Variants in LYPLAL1 observed in about 807,000 individuals in gnomAD.
The protein encoded by LYPLAL1 is lysophospholipase like 1.
LYPLAL1 carries 23 observed loss-of-function variants against 19.7 expected under a neutral mutation model. The ratio of observed to expected loss-of-function variants is 1.17; its 90% CI spans 0.84 to 1.65. The LOEUF (loss-of-function observed/expected upper bound fraction) is 1.65, where lower values mean the gene tolerates loss of function less well. Among genes scored for constraint, LYPLAL1 ranks in the 40% most tolerant of loss-of-function variants. The pLI is 0.00. For missense variants in LYPLAL1, 355 were observed against 279.4 expected (o/e 1.27, Z -1.93); for synonymous variants, 119 against 96.3 (o/e 1.24, Z -1.38).
At chr1:219,247,573 C>T in the LYPLAL1 span, among the ~76,000 whole-genome samples, 3 of 152,176 alleles carry the variant, frequency 2.0e-5, no homozygotes, top group African/African-American at 7.2e-5. Context: ...CTGAGTAGGA[C>T]TATTAACCAG....
the LYPLAL1 span, among the ~76,000 whole-genome samples, chr1:219,419,937 A>G: frequency 2.0e-5 from 3 of 152,222 alleles, 1 homozygote; most frequent in African/African-American, 2.4e-5. Context: ...AATCCTCATG[A>G]GCACTACCTG....
chr1:219,189,739 C>G (rs1656997129), intron 2 of LYPLAL1, among the ~76,000 whole-genome samples: 1 of 151,566 alleles, frequency 6.6e-6, no homozygotes, highest in Non-Finnish European at 1.5e-5. Context: ...AAAAATCTGC[C>G]CTCCTCATAG....
At chr1:219,230,814 T>C in the LYPLAL1 span, among the ~76,000 whole-genome samples, 1 of 152,194 alleles carries the variant, frequency 6.6e-6, no homozygotes, top group Admixed American at 6.5e-5. Context: ...TTTAGAGTGC[T>C]GATTGGAAGT....
chr1:219,335,778 C>T, the LYPLAL1 span, among the ~76,000 whole-genome samples: 1 of 151,826 alleles, frequency 6.6e-6, no homozygotes, highest in Non-Finnish European at 1.5e-5. Flanking sequence ...ACTGGATACA[C>T]AGTTGCCAAT....
chr1:219,211,380 AT>A (rs1659025424), intron 4 of LYPLAL1, 111 bp from the exon 5 acceptor site: 1 of 747,682 alleles, frequency 1.3e-6, no homozygotes, highest in African/African-American at 1.8e-5. Context: ...TTTTTTTCCC[AT>A]TAGTTATTGA....
chr1:219,287,272 T>G, the LYPLAL1 span, among the ~76,000 whole-genome samples: 1 of 152,184 alleles, frequency 6.6e-6, no homozygotes, highest in Non-Finnish European at 1.5e-5. Context: ...AGCAATGTAT[T>G]TAACAGAGAG....
the LYPLAL1 span, among the ~76,000 whole-genome samples, chr1:219,417,579 TA>T: frequency 6.6e-6 from 1 of 152,232 alleles, no homozygotes. Flanking sequence ...AAATAGTATA[TA>T]TTTTTTTCTA....
chr1:219,257,810 A>G, the LYPLAL1 span, among the ~76,000 whole-genome samples: 3 of 152,028 alleles, frequency 2.0e-5, no homozygotes, highest in Non-Finnish European at 4.4e-5. Flanking sequence ...TCTGATCTCA[A>G]TTTCACCAGG....
rs538404113 is a variant in LYPLAL1, at chr1:219,197,662, A to G, written c.361+4411A>G. ...TAAACTAAAGCACTTCTGCACAGCA[A>G]AAGAAGCTGTCATCAGAGTGAACAG... On this transcript the variant is annotated intron_variant, in intron 3 of 4. Transcript: ENST00000366928. Among the ~76,000 whole-genome samples, 4 of 152,322 alleles carry G rather than the reference A, an allele frequency of 2.6e-5. No individual in the cohort carries two copies. The East Asian group carries it at 7.7e-4, about 29-fold the overall frequency.
the LYPLAL1 span, among the ~76,000 whole-genome samples, chr1:219,247,710 A>AG: frequency 6.6e-6 from 1 of 152,346 alleles, no homozygotes; most frequent in East Asian, 1.9e-4. Context: ...GCTTCAGCTT[A>AG]GGAGAGGCAC....
the LYPLAL1 span, among the ~76,000 whole-genome samples, chr1:219,319,510 G>A: frequency 6.6e-6 from 1 of 152,142 alleles, no homozygotes; most frequent in Non-Finnish European, 1.5e-5. Context: ...GCTGCGAAGG[G>A]CCAATTCTGG....
the LYPLAL1 span, among the ~76,000 whole-genome samples, chr1:219,314,252 G>T: frequency 6.6e-6 from 1 of 152,104 alleles, no homozygotes; most frequent in Non-Finnish European, 1.5e-5. Flanking sequence ...CTGATTCCAT[G>T]TCTTTACTAT....
the LYPLAL1 span, among the ~76,000 whole-genome samples, chr1:219,224,636 A>C: frequency 6.6e-6 from 1 of 152,212 alleles, no homozygotes; most frequent in Non-Finnish European, 1.5e-5. Context: ...TCAGAAAAAA[A>C]TATGGCTGAA....
the LYPLAL1 span, among the ~76,000 whole-genome samples, chr1:219,322,538 A>T: frequency 1.3e-4 from 20 of 152,040 alleles, no homozygotes; most frequent in African/African-American, 4.8e-4. Flanking sequence ...CTTTCTTGGG[A>T]ACTATTGTTA....
At chr1:219,368,268 C>A in the LYPLAL1 span, among the ~76,000 whole-genome samples, 3 of 152,112 alleles carry the variant, frequency 2.0e-5, no homozygotes, top group Non-Finnish European at 4.4e-5. Context: ...CAGCTTTATT[C>A]TTTGGTAGTC....
the LYPLAL1 span, among the ~76,000 whole-genome samples, chr1:219,389,810 G>A: frequency 6.6e-6 from 1 of 152,048 alleles, no homozygotes; most frequent in African/African-American, 2.4e-5. Flanking sequence ...TTACTTTTGT[G>A]CCAACCTAAT....
chr1:219,333,097 C>T, the LYPLAL1 span, among the ~76,000 whole-genome samples: 2 of 152,098 alleles, frequency 1.3e-5, no homozygotes, highest in African/African-American at 2.4e-5. Context: ...CCTTTCTCTA[C>T]TTCTGTCTCA....
the LYPLAL1 span, among the ~76,000 whole-genome samples, chr1:219,412,398 C>T: frequency 2.0e-5 from 3 of 152,286 alleles, no homozygotes; most frequent in South Asian, 4.1e-4. Flanking sequence ...TGGGCGATAA[C>T]CCCTCCATCA....
chr1:219,205,187 C>A (rs1483773195), intron 3 of LYPLAL1, among the ~76,000 whole-genome samples: 1 of 151,472 alleles, frequency 6.6e-6, no homozygotes, highest in Non-Finnish European at 1.5e-5. Flanking sequence ...GAAACCCCGT[C>A]TCTACTACAA....
Sources: allele counts gnomAD v4.1 joint callset (sites outside exome capture counted in the v4.1 genomes callset), GRCh38; gene constraint gnomAD v4.1.1; transcripts MANE v1.5; gene names NCBI Gene and HGNC (gene_info 2026-07-23, HGNC 2026-07-21).